Variants in RAMP1 observed in about 807,000 individuals in gnomAD.
RAMP1 encodes the protein receptor activity-modifying protein 1.
RAMP1 carries 7 observed loss-of-function variants against 8.2 expected under a neutral mutation model. The ratio of observed to expected loss-of-function variants is 0.85; its 90% confidence interval spans 0.49 to 1.60. The LOEUF (loss-of-function observed/expected upper bound fraction) is 1.60, where lower values mean the gene tolerates loss of function less well. Among genes scored for constraint, RAMP1 ranks in the 40% most tolerant of loss-of-function variants. The probability of loss-of-function intolerance (pLI) is 0.00; values close to 1 mark genes in which losing one functional copy is unlikely to be tolerated. For synonymous variants in RAMP1, 92 were observed against 84.7 expected (o/e 1.09, Z -0.47); for missense variants, 192 against 202.4 (o/e 0.95, Z 0.31).
At chr2:237,880,160 T>C (rs1463948149) in intron 2 of RAMP1, among the ~76,000 whole-genome samples, 2 of 151,960 alleles carry the variant, frequency 1.3e-5, no homozygotes, top group East Asian at 3.9e-4. Context: ...ACTGTCGATG[T>C]GTCACACGGC....
chr2:237,887,836 T>C (rs2062448579), intron 2 of RAMP1, among the ~76,000 whole-genome samples: 1 of 152,166 alleles, frequency 6.6e-6, no homozygotes, highest in South Asian at 2.1e-4. Context: ...GAGGCTGAAG[T>C]GGGAGGATCG....
rs796928221 is a variant in RAMP1, at chr2:237,893,970, C to T, written c.191+16608C>T. Among the ~76,000 whole-genome samples, 679 of 104,158 alleles carry T rather than the reference C, an allele frequency of 6.5e-3. 3 individuals are homozygous for T. The highest frequency in any genetic ancestry group is 1.0e-2 in the African/African-American group (256 of 25,720). The allele number at this position is 104,158 out of a possible 152,430, so 68.3% of individuals were successfully genotyped here. ...AAATAAGTAAAAATAAAAATACTTT[C>T]TTTTTTTTTTTTTTTTTTTGAGACA... On this transcript the variant is annotated intron_variant, in intron 2 of 2. Transcript: ENST00000254661.
In RAMP1 at chr2:237,880,079, G is replaced by A. The variant is rs73092509; in HGVS notation, c.191+2717G>A. On this transcript the variant is annotated intron_variant, in intron 2 of 2. Coordinates refer to ENST00000254661, the MANE Select transcript of RAMP1 (RefSeq NM_005855.4). ...ACAGCATCTCAGCACGTCAGCCCAG[G>A]CCTGCCAGCCCCTGGGGTCTGCGTT... is the stretch of plus-strand genomic sequence containing the variant. Among the ~76,000 whole-genome samples, 1,126 of 151,944 alleles carry A rather than the reference G, an allele frequency of 7.4e-3. 10 individuals carry two copies. Among genetic ancestry groups the A allele is most frequent in the African/African-American group, 0.026 (1,071 of 41,380 alleles).
intron 1 of RAMP1, chr2:237,859,930 C>G (rs2062116203): frequency 4.1e-6 from 2 of 483,290 alleles, no homozygotes; most frequent in Non-Finnish European, 3.5e-6. Context: ...AGGGCGCGGA[C>G]CGGTGTTGCG....
At chr2:237,888,956 A>C (rs2062462873) in intron 2 of RAMP1, among the ~76,000 whole-genome samples, 2 of 152,148 alleles carry the variant, frequency 1.3e-5, no homozygotes, top group Non-Finnish European at 2.9e-5. Context: ...TATTTTTAAT[A>C]GAGACGGGGT....
At chr2:237,880,353 G>C (rs1477289186) in intron 2 of RAMP1, among the ~76,000 whole-genome samples, 1 of 152,114 alleles carries the variant, frequency 6.6e-6, no homozygotes, top group Non-Finnish European at 1.5e-5. Flanking sequence ...GGCTGTTTTT[G>C]AGCACTTTCT....
rs2062326429 is a variant in RAMP1 at position 237,877,933 on chromosome 2, C to A, written c.191+571C>A. 1.0e-6 allele frequency: 1 copy of A among 984,826 alleles called. No individual in the cohort carries two copies. Among genetic ancestry groups the A allele is most frequent in the African/African-American group, 1.7e-5 (1 of 57,250 alleles). 61.0% of individuals were successfully genotyped at this position (984,826 alleles called of 1,614,324 possible). On this transcript the variant is annotated intron_variant, in intron 2 of 2. Transcript: ENST00000254661. The surrounding 1 kb of genome is among the most constrained non-coding windows in gnomAD (Gnocchi z 4.4). Reference sequence around the variant, plus strand: ...CCCGCTTGAGGGGCTCCCTCATTGCCTCCCTCAGCCTCCTGGGTGCTGGGC... The same window carrying A: ...CCCGCTTGAGGGGCTCCCTCATTGCATCCCTCAGCCTCCTGGGTGCTGGGC...
Position 237,908,337 on chromosome 2 carries a change from C to T in RAMP1, c.192-3191C>T, listed in dbSNP as rs530286782. On this transcript the variant is annotated intron_variant, in intron 2 of 2. Transcript: ENST00000254661. ...GCCCTTCACCCCAGCATTCCTACCC[C>T]TCTTCCCTGTGGCAAACTCTGTCGG... Among the ~76,000 whole-genome samples, 69 of 152,042 alleles carry T rather than the reference C, an allele frequency of 4.5e-4. 1 individual carries two copies. The South Asian group carries it at 6.0e-3, about 13-fold the overall frequency.
At chr2:237,864,321 T>C (rs1233675607) in intron 1 of RAMP1, among the ~76,000 whole-genome samples, 1 of 140,156 alleles carries the variant, frequency 7.1e-6, no homozygotes, top group Non-Finnish European at 1.5e-5. Context: ...CATGCGCGTG[T>C]TTGCTTCGTA....
intron 1 of RAMP1, among the ~76,000 whole-genome samples, chr2:237,866,726 CT>C (rs202102249): frequency 0.16 from 22,758 of 146,818 alleles, 1,784 homozygotes; most frequent in Middle Eastern, 0.23. Flanking sequence ...ATACTGTATT[CT>C]TTTTTTTTTT....
Position 237,884,226 on chromosome 2 carries a change from G to C in RAMP1, c.191+6864G>C, listed in dbSNP as rs565194510. On this transcript the variant is annotated intron_variant, in intron 2 of 2. Coordinates refer to ENST00000254661, the MANE Select transcript of RAMP1 (RefSeq NM_005855.4). ...GGCTGAATGAGCTCAGCGGGGCCAG[G>C]CTCCCCTGCAAGCTGGCTGGGCCGT... Among the ~76,000 whole-genome samples, 10 of 152,262 alleles carry C rather than the reference G, an allele frequency of 6.6e-5. No homozygotes were observed. In the East Asian group the frequency reaches 1.9e-3, roughly 29 times the overall value.
intron 2 of RAMP1, among the ~76,000 whole-genome samples, chr2:237,879,266 G>T (rs545341250): frequency 6.6e-6 from 1 of 152,028 alleles, no homozygotes; most frequent in Non-Finnish European, 1.5e-5. Flanking sequence ...TTGTGAACGG[G>T]AGGCCTGGCA....
At position 237,878,474 on chromosome 2, in the gene RAMP1, C is replaced by T. The variant is rs927214610; in HGVS notation, c.191+1112C>T. ...CCCTCCCCTGTGGGTTGCAGGCTGG[C>T]GTGAGCACAGGGAGAAAGCCCACGG... On this transcript the variant is annotated intron_variant, in intron 2 of 2. Coordinates refer to ENST00000254661, the MANE Select transcript of RAMP1 (RefSeq NM_005855.4). This position sits in a 1 kb window ranked among gnomAD's most constrained non-coding sequence, Gnocchi z 5.7. Among the ~76,000 whole-genome samples, 5 of 152,238 alleles carry T rather than the reference C, an allele frequency of 3.3e-5. No homozygotes were observed. The highest frequency in any genetic ancestry group is 4.1e-4 in the South Asian group (2 of 4,836).
In RAMP1 at chr2:237,862,958, T is replaced by C. The variant is rs1216967837; in HGVS notation, c.52+3231T>C. On this transcript the variant is annotated intron_variant, in intron 1 of 2. Transcript: ENST00000254661. This position sits in a 1 kb window ranked among gnomAD's most constrained non-coding sequence, Gnocchi z 4.0. ...ACCTGTCCATGACATAGAGCACTCCTGAAGCCTTTTGAGCCCCTAGATCGA... is the reference window on the plus strand; with the variant it reads ...ACCTGTCCATGACATAGAGCACTCCCGAAGCCTTTTGAGCCCCTAGATCGA... 6.6e-6 allele frequency among the ~76,000 whole-genome samples: 1 copy of C among 152,234 alleles called. No individual in the cohort carries two copies. The highest frequency in any genetic ancestry group is 1.5e-5 in the Non-Finnish European group (1 of 68,040).
intron 2 of RAMP1, among the ~76,000 whole-genome samples, chr2:237,885,796 C>G (rs1417273547): frequency 6.6e-6 from 1 of 152,232 alleles, no homozygotes; most frequent in Non-Finnish European, 1.5e-5. Flanking sequence ...TCTGTTCCCC[C>G]ACCCTCTGCC....
chr2:237,886,009 G>T (rs554194533), intron 2 of RAMP1, among the ~76,000 whole-genome samples: 1 of 152,332 alleles, frequency 6.6e-6, no homozygotes, highest in East Asian at 1.9e-4. Flanking sequence ...GGCAGAGGAG[G>T]AGAGAAGGAG....
intron 2 of RAMP1, among the ~76,000 whole-genome samples, chr2:237,892,398 A>G (rs1186396100): frequency 1.3e-5 from 2 of 150,676 alleles, no homozygotes; most frequent in Non-Finnish European, 1.5e-5. Flanking sequence ...AGCTGGAACT[A>G]CAGGCATGCA....
chr2:237,868,680 A>T (rs1158814769), intron 1 of RAMP1, among the ~76,000 whole-genome samples: 1 of 151,618 alleles, frequency 6.6e-6, no homozygotes, highest in Non-Finnish European at 1.5e-5. Context: ...CTGGCGTGGG[A>T]ATGAAACGTC....
intron 2 of RAMP1, among the ~76,000 whole-genome samples, chr2:237,881,753 C>T (rs548104893): frequency 1.3e-5 from 2 of 152,200 alleles, no homozygotes; most frequent in East Asian, 1.9e-4. Context: ...TCTATCAGGT[C>T]GTTTTTAAAG....
Sources: allele counts gnomAD v4.1 joint callset (sites outside exome capture counted in the v4.1 genomes callset), GRCh38; gene constraint gnomAD v4.1.1; non-coding constraint Gnocchi (gnomAD v3.1); transcripts MANE v1.5; gene names NCBI Gene and HGNC (gene_info 2026-07-23, HGNC 2026-07-21).